CCDC85C: variants seen among roughly 807,000 people sequenced by gnomAD.
CCDC85C encodes coiled-coil domain containing 85C, also known as coiled-coil domain-containing protein 85C.
In CCDC85C, 18 loss-of-function variants were observed where a neutral mutation model predicts 38.3. The ratio of observed to expected loss-of-function variants is 0.47; its 90% CI spans 0.33 to 0.70. CCDC85C has a LOEUF of 0.70. Ranked by LOEUF, CCDC85C falls within the 30% of genes least tolerant of loss-of-function variation. The pLI is 0.03. For missense variants in CCDC85C, 566 were observed against 621.2 expected, an observed-to-expected ratio of 0.91 and a Z score of 0.94; for synonymous variants, 264 against 293.8, an observed-to-expected ratio of 0.90 and a Z score of 1.04.
intron 2 of CCDC85C, among the ~76,000 whole-genome samples, chr14:99,530,584 C>T (rs1897473582): frequency 2.0e-5 from 3 of 152,242 alleles, no homozygotes; most frequent in Admixed American, 6.5e-5. Context: ...CTTCCCCGCC[C>T]CTTGAAGGGC....
In CCDC85C at chr14:99,500,993, C is replaced by G; in HGVS notation, c.*14253G>C. ...AGTTTGATGTGTGAAATACCAAGGGCATGGCTTGCTCAGTCAATTCAGCAT... is the reference window on the plus strand; with the variant it reads ...AGTTTGATGTGTGAAATACCAAGGGGATGGCTTGCTCAGTCAATTCAGCAT... On this transcript the variant is annotated 3_prime_UTR_variant, in exon 6 of 6. Coordinates refer to ENST00000380243, the MANE Select transcript of CCDC85C (RefSeq NM_001144995.2). 1.5e-6 allele frequency: 1 copy of G among 680,284 alleles called. No individual in the cohort carries two copies. The allele number at this position is 680,284 out of a possible 1,614,324, so 42.1% of individuals were successfully genotyped here.
chr14:99,571,352 T>TAAC (rs1898338826), intron 1 of CCDC85C, among the ~76,000 whole-genome samples: 1 of 151,578 alleles, frequency 6.6e-6, no homozygotes, highest in Non-Finnish European at 1.5e-5. Context: ...GTAGTAATAA[T>TAAC]AATAATAATA....
intron 1 of CCDC85C, among the ~76,000 whole-genome samples, chr14:99,574,634 G>A (rs1898432907): frequency 6.6e-6 from 1 of 152,232 alleles, no homozygotes; most frequent in Non-Finnish European, 1.5e-5. Context: ...GATAAGGGGA[G>A]AGCGGAGAGG....
intron 1 of CCDC85C, chr14:99,583,035 G>A (rs2054989980): frequency 6.6e-6 from 1 of 151,954 alleles, no homozygotes; most frequent in Non-Finnish European, 1.5e-5. Context: ...TGAGTGCAGT[G>A]GTATTTACAA....
intron 2 of CCDC85C, among the ~76,000 whole-genome samples, chr14:99,528,725 C>T (rs1208324095): frequency 6.6e-6 from 1 of 150,980 alleles, no homozygotes; most frequent in Non-Finnish European, 1.5e-5. Context: ...AGATGACCTG[C>T]AAGGTCGCCC....
At chr14:99,559,063 C>T (rs1898064843) in intron 1 of CCDC85C, among the ~76,000 whole-genome samples, 1 of 152,208 alleles carries the variant, frequency 6.6e-6, no homozygotes. Flanking sequence ...CATGATTGTA[C>T]ATTTCCTGAG....
intron 3 of CCDC85C, among the ~76,000 whole-genome samples, chr14:99,519,356 A>G (rs575248633): frequency 1.3e-5 from 2 of 150,816 alleles, no homozygotes; most frequent in Non-Finnish European, 3.0e-5. Context: ...GACTCAAGCA[A>G]TCCTCCTGTC....
rs1369029208 is a variant in CCDC85C, at chr14:99,588,066, C to T, written c.793+15101G>A. 2.0e-5 allele frequency among the ~76,000 whole-genome samples: 3 copies of T among 152,158 alleles called. No individual in the cohort carries two copies. The highest frequency in any genetic ancestry group is 1.5e-5 in the Non-Finnish European group (1 of 68,036). On this transcript the variant is annotated intron_variant, in intron 1 of 5. Coordinates refer to ENST00000380243, the MANE Select transcript of CCDC85C (RefSeq NM_001144995.2). This position sits in a 1 kb window ranked among gnomAD's most constrained non-coding sequence, Gnocchi z 5.0. ...TGAATCCCCTTCCACACCCCCAGGC[C>T]TGCACAGGCCTCCTGGGCCGGATTC...
At chr14:99,580,212 G>A (rs1419651376) in intron 1 of CCDC85C, 1 of 435,804 alleles carries the variant, frequency 2.3e-6, no homozygotes, top group Non-Finnish European at 4.6e-6. Flanking sequence ...CCGGAGCTCG[G>A]CAGGCCCAGC....
At chr14:99,519,381 T>C (rs148003257) in intron 3 of CCDC85C, among the ~76,000 whole-genome samples, 5,199 of 150,480 alleles carry the variant, frequency 0.035, 126 homozygotes, top group Non-Finnish European at 0.054. Flanking sequence ...CCTCCCAAAG[T>C]GATGGGATTA....
At position 99,500,674 on chromosome 14, in the gene CCDC85C, A is replaced by G; in HGVS notation, c.*14572T>C. On this transcript the variant is annotated 3_prime_UTR_variant, in exon 6 of 6. Transcript: ENST00000380243. ...GCAGTTGCTAAAATATAACTTGAAG[A>G]GAGAATAAATAGACAGGAAAGCTCA... 2 of 829,488 alleles carry G rather than the reference A, an allele frequency of 2.4e-6. No individual in the cohort carries two copies. The highest frequency in any genetic ancestry group is 4.0e-6 in the Non-Finnish European group (2 of 496,350). 51.4% of individuals were successfully genotyped at this position (829,488 alleles called of 1,614,324 possible). A position where few individuals can be genotyped will look rare whatever the true frequency, so the allele number is the denominator to read the frequency against.
chr14:99,589,653 G>A (rs1316576858), intron 1 of CCDC85C, among the ~76,000 whole-genome samples: 1 of 152,220 alleles, frequency 6.6e-6, no homozygotes, highest in African/African-American at 2.4e-5. Context: ...CAGTTAAGGA[G>A]TCTGTAGATG....
intron 2 of CCDC85C, 132 bp from the exon 3 acceptor site, chr14:99,522,372 C>G: frequency 1.6e-6 from 1 of 617,004 alleles, no homozygotes; most frequent in Non-Finnish European, 2.8e-6. Flanking sequence ...ACCCTCCCCT[C>G]CACACCGCTT....
In CCDC85C at chr14:99,603,789, G is replaced by T; in HGVS notation, c.171C>A (p.Asn57Lys). Residue 57 changes from asparagine (N) to lysine (K), a missense_variant, in exon 1 of 6, where the codon AAC becomes AAA. By Grantham distance (94) the Asn-to-Lys change is moderately conservative. Transcript: ENST00000380243. The surrounding 1 kb of genome is among the most constrained non-coding windows in gnomAD (Gnocchi z 7.5). The part of the protein sequence containing the change: ...LEHGGLMRDV[N>K]RRLQQHLLEI... ...CCAGCAGGTGCTGCTGCAGCCGCCG[G>T]TTCACGTCGCGCATCAGGCCGCCGT... 1 of 1,525,848 alleles carries T rather than the reference G, an allele frequency of 6.6e-7. No homozygotes were observed. The highest frequency in any genetic ancestry group is 2.5e-5 in the East Asian group (1 of 39,794). 94.5% of individuals were successfully genotyped at this position (1,525,848 alleles called of 1,614,324 possible).
intron 1 of CCDC85C, among the ~76,000 whole-genome samples, chr14:99,601,432 T>G (rs1305743502): frequency 6.6e-6 from 1 of 152,086 alleles, no homozygotes; most frequent in African/African-American, 2.4e-5. Flanking sequence ...TGCCCAAAAC[T>G]CGACAGAGCC....
rs1441983983 is a variant in CCDC85C at position 99,572,648 on chromosome 14, C to T, written c.793+30519G>A. 11 of 455,528 alleles carry T rather than the reference C, an allele frequency of 2.4e-5. No individual in the cohort carries two copies. Among genetic ancestry groups the T allele is most frequent in the Non-Finnish European group, 4.9e-5 (11 of 226,562 alleles). The allele number at this position is 455,528 out of a possible 1,614,324, so 28.2% of individuals were successfully genotyped here. On this transcript the variant is annotated intron_variant, in intron 1 of 5. Transcript: ENST00000380243. The surrounding 1 kb of genome is among the most constrained non-coding windows in gnomAD (Gnocchi z 4.4). ...GACGACAGCTGCTTATCATCCAAGCCCCAGGTGACCTGGCCCCTCCTTAAG... is the reference window on the plus strand; with the variant it reads ...GACGACAGCTGCTTATCATCCAAGCTCCAGGTGACCTGGCCCCTCCTTAAG...
rs1006591660 is a variant in CCDC85C, at chr14:99,520,112, CAG to C, written c.975+2019_975+2020del. On this transcript the variant is annotated intron_variant, in intron 3 of 5. Transcript: ENST00000380243. This position sits in a 1 kb window ranked among gnomAD's most constrained non-coding sequence, Gnocchi z 4.1. ...GTGGGCAGGGAGGGGGTGTCCACCCCAGAGAGTCACCTGCTTTACCCAGGGAC... is the reference window on the plus strand; with the variant it reads ...GTGGGCAGGGAGGGGGTGTCCACCCCAGAGTCACCTGCTTTACCCAGGGAC... Among the ~76,000 whole-genome samples the C allele has an allele frequency of 9.2e-5, 14 of 152,310 alleles. No homozygotes were observed. The highest frequency in any genetic ancestry group is 3.4e-4 in the African/African-American group (14 of 41,564).
chr14:99,505,181 C>T lies in CCDC85C; in HGVS notation c.*10065G>A, dbSNP rs1385051943. ...ATTCATTTGAGAAGGAGTCCCCTGG[C>T]AGCAGTAAATAGGGCAAGTGGTTAG... is the stretch of plus-strand genomic sequence containing the variant. On this transcript the variant is annotated 3_prime_UTR_variant, in exon 6 of 6. Transcript: ENST00000380243. 2 of 152,226 alleles carry T rather than the reference C, an allele frequency of 1.3e-5. No homozygotes were observed. Among genetic ancestry groups the T allele is most frequent in the African/African-American group, 4.8e-5 (2 of 41,430 alleles). The allele number at this position is 152,226 out of a possible 1,614,324, so 9.4% of individuals were successfully genotyped here.
rs1203944675 is a variant in CCDC85C at position 99,510,922 on chromosome 14, A to G, written c.*4324T>C. On this transcript the variant is annotated 3_prime_UTR_variant, in exon 6 of 6. Transcript: ENST00000380243. ...GGGAAGAATGGACCGGGCCCCTGGGATAAAATCAGAGTGGTCCTCACACCT... is the reference window on the plus strand; with the variant it reads ...GGGAAGAATGGACCGGGCCCCTGGGGTAAAATCAGAGTGGTCCTCACACCT... The G allele has an allele frequency of 2.7e-6, 2 of 741,750 alleles. No individual in the cohort carries two copies. The highest frequency in any genetic ancestry group is 3.7e-5 in the African/African-American group (2 of 54,500). 45.9% of individuals were successfully genotyped at this position (741,750 alleles called of 1,614,324 possible). A position where few individuals can be genotyped will look rare whatever the true frequency, so the allele number is the denominator to read the frequency against.
Sources: gnomAD v4.1 joint callset for allele counts (sites outside exome capture counted in the v4.1 genomes callset) on GRCh38, gnomAD v4.1.1 for gene constraint, Gnocchi (gnomAD v3.1) non-coding constraint, MANE v1.5 for transcripts, NCBI Gene and HGNC (gene_info 2026-07-23, HGNC 2026-07-21) for gene names.